The following CDH4 variants were observed in gnomAD, a reference collection of about 807,000 sequenced individuals.
CDH4 encodes the protein cadherin-4.
Under a neutral mutation model 86.0 loss-of-function variants are expected in CDH4, and 33 were observed. That is an observed-to-expected ratio of 0.38 (90% CI 0.29 to 0.51). The LOEUF (loss-of-function observed/expected upper bound fraction) is 0.51, where lower values mean the gene tolerates loss of function less well. Ranked by LOEUF, CDH4 falls within the 20% of genes least tolerant of loss-of-function variation. The pLI is 0.86. For synonymous variants in CDH4, 555 were observed against 549.4 expected (o/e 1.01, Z -0.14); for missense variants, 1,114 against 1,307.4 (o/e 0.85, Z 2.28).
chr20:61,315,388 A>G (rs1248390564), intron 2 of CDH4, among the ~76,000 whole-genome samples: 1 of 152,138 alleles, frequency 6.6e-6, no homozygotes, highest in Non-Finnish European at 1.5e-5. Flanking sequence ...GCAAAGAGAA[A>G]GCTAGCCCTG....
In CDH4 at chr20:61,582,477, C is replaced by G. The variant is rs192074758; in HGVS notation, c.170-161086C>G. On this transcript the variant is annotated intron_variant, in intron 2 of 15. Transcript: ENST00000614565. The surrounding 1 kb of genome is among the most constrained non-coding windows in gnomAD (Gnocchi z 4.2). ...CCTGTGGCCCTGGGCTCCAGGCTAA[C>G]TCTCTGGAATGTTCCAACCTGGTTT... 2.7e-3 allele frequency among the ~76,000 whole-genome samples: 405 copies of G among 152,356 alleles called. No individual in the cohort carries two copies. The highest frequency in any genetic ancestry group is 0.017 in the Middle Eastern group (5 of 294).
chr20:61,309,214 T>A (rs1329381278), intron 2 of CDH4, among the ~76,000 whole-genome samples: 1 of 152,088 alleles, frequency 6.6e-6, no homozygotes, highest in Non-Finnish European at 1.5e-5. Context: ...GCTGGCTGAG[T>A]GCTGGGGTCC....
chr20:61,615,996 G>A (rs1016132392), intron 2 of CDH4, among the ~76,000 whole-genome samples: 1 of 152,208 alleles, frequency 6.6e-6, no homozygotes, highest in Non-Finnish European at 1.5e-5. Context: ...CGATGGCCAC[G>A]GGATGAGGGA....
At chr20:61,567,919 G>A (rs1303974370) in intron 2 of CDH4, among the ~76,000 whole-genome samples, 2 of 152,118 alleles carry the variant, frequency 1.3e-5, no homozygotes, top group African/African-American at 4.8e-5. Context: ...GCTACAGTGA[G>A]CTATGATTGC....
intron 3 of CDH4, among the ~76,000 whole-genome samples, chr20:61,756,202 G>A (rs1201336838): frequency 6.6e-6 from 1 of 152,172 alleles, no homozygotes; most frequent in Non-Finnish European, 1.5e-5. Flanking sequence ...AGAGCAGGAT[G>A]TCTGGAGTCT....
At chr20:61,333,451 A>G (rs576887729) in intron 2 of CDH4, among the ~76,000 whole-genome samples, 14 of 152,254 alleles carry the variant, frequency 9.2e-5, no homozygotes, top group Admixed American at 8.5e-4. Flanking sequence ...TTCTTTCACT[A>G]CAAAGGTCAC....
At chr20:61,747,573 A>G (rs2088431604) in intron 3 of CDH4, among the ~76,000 whole-genome samples, 1 of 152,238 alleles carries the variant, frequency 6.6e-6, no homozygotes. Context: ...ATTAGAAGGT[A>G]TAAAACAGAA....
At chr20:61,333,629 A>G (rs767560202) in intron 2 of CDH4, among the ~76,000 whole-genome samples, 23 of 152,212 alleles carry the variant, frequency 1.5e-4, no homozygotes, top group Non-Finnish European at 2.8e-4. Flanking sequence ...AAGGACAGTC[A>G]GAGCCCTTAC....
intron 2 of CDH4, among the ~76,000 whole-genome samples, chr20:61,660,607 G>A (rs2087242549): frequency 6.6e-6 from 1 of 152,114 alleles, no homozygotes; most frequent in African/African-American, 2.4e-5. Flanking sequence ...GGGTGGACGG[G>A]GCGGTCGTTC....
chr20:61,729,963 TGATA>T lies in CDH4; in HGVS notation c.170-13594_170-13591del, dbSNP rs1437769679. On this transcript the variant is annotated intron_variant, in intron 2 of 15. Coordinates refer to ENST00000614565, the MANE Select transcript of CDH4 (RefSeq NM_001794.5). Reference sequence around the variant, plus strand: ...TTGTTTTCTTTGGAGAAGGTACAGCTGATAGATAGTGAATATCCATTTCTTAATA... The same window carrying T: ...TTGTTTTCTTTGGAGAAGGTACAGCTGATAGTGAATATCCATTTCTTAATA... Among the ~76,000 whole-genome samples the T allele has an allele frequency of 2.0e-5, 3 of 152,196 alleles. No homozygotes were observed. In the South Asian group the frequency reaches 6.3e-4, roughly 32 times the overall value.
In CDH4 at chr20:61,299,440, C is replaced by T. The variant is rs1426221076; in HGVS notation, c.169+44503C>T. On this transcript the variant is annotated intron_variant, in intron 2 of 15. Transcript: ENST00000614565. ...CCAGGTTTGTGATACTTTGTTATGGCAGCCACGGGAAACTGACACATTGAA... is the reference window on the plus strand; with the variant it reads ...CCAGGTTTGTGATACTTTGTTATGGTAGCCACGGGAAACTGACACATTGAA... 2.0e-5 allele frequency among the ~76,000 whole-genome samples: 3 copies of T among 152,176 alleles called. No homozygotes were observed. The East Asian group carries it at 5.8e-4, about 29-fold the overall frequency.
chr20:61,612,176 G>T (rs1195187494), intron 2 of CDH4, among the ~76,000 whole-genome samples: 1 of 152,078 alleles, frequency 6.6e-6, no homozygotes, highest in Non-Finnish European at 1.5e-5. Flanking sequence ...GATGAAATCA[G>T]TGTAATTGGG....
intron 4 of CDH4, among the ~76,000 whole-genome samples, chr20:61,793,206 C>G (rs1037883129): frequency 3.9e-5 from 6 of 152,022 alleles, no homozygotes; most frequent in Non-Finnish European, 8.8e-5. Context: ...CTCAAGTGAT[C>G]TGGCCACCTT....
chr20:61,359,544 C>A (rs2084772703), intron 2 of CDH4, among the ~76,000 whole-genome samples: 1 of 152,246 alleles, frequency 6.6e-6, no homozygotes, highest in Admixed American at 6.5e-5. Flanking sequence ...TGAGTCTTTG[C>A]TGTGTCCCAC....
At chr20:61,477,954 T>C (rs2085548580) in intron 2 of CDH4, among the ~76,000 whole-genome samples, 1 of 152,208 alleles carries the variant, frequency 6.6e-6, no homozygotes, top group Non-Finnish European at 1.5e-5. Flanking sequence ...ACATAGAGCT[T>C]TTGTTGTGGA....
In CDH4 at chr20:61,380,788, G is replaced by A. The variant is rs866788611; in HGVS notation, c.169+125851G>A. On this transcript the variant is annotated intron_variant, in intron 2 of 15. Coordinates refer to ENST00000614565, the MANE Select transcript of CDH4 (RefSeq NM_001794.5). ...GCTGAAAGAGGGTGTGGGACTTATT[G>A]CAGCTTCGGCAAATGAAAGGTTTGA... 4.6e-5 allele frequency among the ~76,000 whole-genome samples: 7 copies of A among 152,286 alleles called. No individual in the cohort carries two copies. The South Asian group carries it at 1.5e-3, about 32-fold the overall frequency.
At chr20:61,717,832 A>T (rs114621731) in intron 2 of CDH4, 22,484 of 151,724 alleles carry the variant, frequency 0.15, 1,749 homozygotes, top group African/African-American at 0.17. Flanking sequence ...CCCCGCCCCC[A>T]GCCCCCAGTG....
chr20:61,745,957 C>T (rs956558095), intron 3 of CDH4, among the ~76,000 whole-genome samples: 1 of 152,172 alleles, frequency 6.6e-6, no homozygotes, highest in Admixed American at 6.5e-5. Context: ...CTGTGGTTGC[C>T]GCTAGACAGT....
At chr20:61,644,292 G>A (rs1411276530) in intron 2 of CDH4, among the ~76,000 whole-genome samples, 2 of 152,232 alleles carry the variant, frequency 1.3e-5, no homozygotes, top group African/African-American at 2.4e-5. Flanking sequence ...TCACAGGCGC[G>A]TTTTAATCAT....
Sources: allele counts gnomAD v4.1 joint callset (sites outside exome capture counted in the v4.1 genomes callset), GRCh38; gene constraint gnomAD v4.1.1; non-coding constraint Gnocchi (gnomAD v3.1); transcripts MANE v1.5; gene names NCBI Gene and HGNC (gene_info 2026-07-23, HGNC 2026-07-21).